The following CHRNA10 variants were observed in gnomAD, a reference collection of about 807,000 sequenced individuals.
CHRNA10 encodes cholinergic receptor nicotinic alpha 10 subunit, also known as neuronal acetylcholine receptor subunit alpha-10.
In CHRNA10, 31 loss-of-function variants were observed where a neutral mutation model predicts 36.0. The ratio of observed to expected loss-of-function variants is 0.86; its 90% CI spans 0.65 to 1.16. The LOEUF is 1.16. Ranked by LOEUF, CHRNA10 falls within the 50% of genes most tolerant of loss-of-function variation. CHRNA10 has a pLI of 0.00. For synonymous variants in CHRNA10, 302 were observed against 287.0 expected, an observed-to-expected ratio of 1.05 and a Z score of -0.53; for missense variants, 648 against 640.9, an observed-to-expected ratio of 1.01 and a Z score of -0.12.
Position 3,667,638 on chromosome 11 carries a change from G to A in CHRNA10, c.489C>T (p.Phe163=), listed in dbSNP as rs1270860675. The change falls in exon 4 of 5, where the codon TTC becomes TTT. Residue 163 remains phenylalanine, a synonymous_variant. Coordinates refer to ENST00000250699, the MANE Select transcript of CHRNA10 (RefSeq NM_020402.4). ...ACGTCAGGCCGCAGTGCTGGGCGTC[G>A]AACGGGAAGGCTGCTACATCCACGC... ...SCRVDVAAFP[F]DAQHCGLTFG... is the part of the protein sequence containing the mutation. The A allele has an allele frequency of 5.8e-6, 9 of 1,558,010 alleles. No individual in the cohort carries two copies. Among genetic ancestry groups the A allele is most frequent in the Admixed American group, 1.8e-5 (1 of 54,154 alleles).
In CHRNA10 at chr11:3,666,314, AG is replaced by A; in HGVS notation, c.1145del (p.Pro382LeufsTer18). 1 of 1,613,358 alleles carries A rather than the reference AG, an allele frequency of 6.2e-7. No individual in the cohort carries two copies. Among genetic ancestry groups the A allele is most frequent in the Non-Finnish European group, 8.5e-7 (1 of 1,179,746 alleles). ...PEGGAGPPAG[P>X]CHEPRCLCRQ... ...GGCACAGACATCGTGGCTCGTGGCA[AG>A]GGCCCGCTGGGGGGCCAGCCCCTCC... On this transcript the variant is annotated frameshift_variant, in exon 5 of 5. Coordinates refer to ENST00000250699, the MANE Select transcript of CHRNA10 (RefSeq NM_020402.4). LOFTEE classifies it high-confidence loss of function.
At chr11:3,669,638 C>T in intron 2 of CHRNA10, 158 bp downstream of exon 2, 1 of 1,010,068 alleles carries the variant, frequency 9.9e-7, no homozygotes, top group Non-Finnish European at 1.5e-6. Flanking sequence ...TACTCAGTAC[C>T]CAACAGTCAG....
At chr11:3,668,296 G>A (rs868211114) in intron 3 of CHRNA10, among the ~76,000 whole-genome samples, 2 of 152,136 alleles carry the variant, frequency 1.3e-5, no homozygotes, top group Non-Finnish European at 2.9e-5. Flanking sequence ...GGCGGATCAC[G>A]AGGTCAGGAG....
At chr11:3,671,089 G>A (rs1423626422) in intron 1 of CHRNA10, 163 bp downstream of exon 1, 7 of 694,140 alleles carry the variant, frequency 1.0e-5, no homozygotes, top group East Asian at 2.7e-5. Flanking sequence ...CTCCTCTCAC[G>A]CACTTCAGCA....
chr11:3,669,335 C>A lies in CHRNA10; in HGVS notation c.223G>T (p.Val75Leu), dbSNP rs1259612810. ...CGTATCCACAGATACAGGGTCAGCA[C>A]CTGGTTCCGTTCATCCTAGTGGGGG... Reference protein sequence around the residue: ...QIIDMDERNQVLTLYLWIRQE... With the variant: ...QIIDMDERNQLLTLYLWIRQE... Residue 75 changes from valine (V) to leucine (L), a missense_variant, in exon 3 of 5, where the codon GTG (valine) becomes TTG (leucine). Coordinates refer to ENST00000250699, the MANE Select transcript of CHRNA10 (RefSeq NM_020402.4). 2.5e-6 allele frequency: 4 copies of A among 1,613,858 alleles called. No homozygotes were observed. The highest frequency in any genetic ancestry group is 2.5e-6 in the Non-Finnish European group (3 of 1,179,854).
Position 3,665,625 on chromosome 11 carries a change from G to A in CHRNA10, c.*482C>T, listed in dbSNP as rs1290185893. On this transcript the variant is annotated 3_prime_UTR_variant, in exon 5 of 5. Coordinates refer to ENST00000250699, the MANE Select transcript of CHRNA10 (RefSeq NM_020402.4). ...CTTACTTTATTGAGTCAGGGATTTG[G>A]GGCCAAATGTCTGTAGGGCCTCCTG... 6.5e-6 allele frequency: 1 copy of A among 153,450 alleles called. No individual in the cohort carries two copies. Among genetic ancestry groups the A allele is most frequent in the Non-Finnish European group, 1.4e-5 (1 of 69,042 alleles). 9.5% of individuals were successfully genotyped at this position (153,450 alleles called of 1,614,324 possible). A position where few individuals can be genotyped will look rare whatever the true frequency, so the allele number is the denominator to read the frequency against.
Position 3,667,712 on chromosome 11 carries a change from C to G in CHRNA10, c.415G>C (p.Asp139His). ...GGCGCGTCCCAGCGCACGGCGCCAT[C>G]GTGGCGCAGGACCACGTTGGTGCTG... ...SASTNVVLRH[D>H]GAVRWDAPAI... Residue 139 changes from aspartate to histidine, a missense_variant, in exon 4 of 5, where the codon GAT (aspartate) becomes CAT (histidine). Asp to His is a moderately conservative substitution (Grantham distance 81). Transcript: ENST00000250699. 6.4e-7 allele frequency: 1 copy of G among 1,574,406 alleles called. No homozygotes were observed. The highest frequency in any genetic ancestry group is 1.4e-5 in the African/African-American group (1 of 73,468).
intron 3 of CHRNA10, chr11:3,668,474 C>G (rs368588051): frequency 1.3e-5 from 2 of 152,238 alleles, no homozygotes; most frequent in South Asian, 4.1e-4. Context: ...GATAGCGCCA[C>G]TGCACTCCAG....
intron 2 of CHRNA10, 38 bp downstream of exon 2, chr11:3,669,758 A>G: frequency 6.2e-7 from 1 of 1,612,066 alleles, no homozygotes; most frequent in East Asian, 2.2e-5. Context: ...ACACTGTGAC[A>G]GGTAAGACTC....
chr11:3,670,871 T>A (rs977312122), intron 1 of CHRNA10, among the ~76,000 whole-genome samples: 7 of 152,210 alleles, frequency 4.6e-5, no homozygotes, highest in African/African-American at 1.4e-4. Flanking sequence ...CTCACCTTCT[T>A]CTACCCCTCC....
intron 4 of CHRNA10, among the ~76,000 whole-genome samples, chr11:3,666,770 C>G (rs188904175): frequency 6.8e-4 from 103 of 152,306 alleles, no homozygotes; most frequent in South Asian, 3.1e-3. Flanking sequence ...CTACTGCTCT[C>G]TAATTGCTCC....
At chr11:3,670,715 T>G (rs186324717) in intron 1 of CHRNA10, among the ~76,000 whole-genome samples, 87 of 152,356 alleles carry the variant, frequency 5.7e-4, no homozygotes, top group Non-Finnish European at 9.4e-4. Flanking sequence ...CTTCTCCCTC[T>G]GCTGCCTCCT....
chr11:3,669,960 G>C lies in CHRNA10; in HGVS notation c.62-19C>G, dbSNP rs2077702020. 4 of 1,613,858 alleles carry C rather than the reference G, an allele frequency of 2.5e-6. No homozygotes were observed. The highest frequency in any genetic ancestry group is 3.4e-6 in the Non-Finnish European group (4 of 1,179,920). On this transcript the variant is annotated intron_variant, in intron 1 of 4. Coordinates refer to ENST00000250699, the MANE Select transcript of CHRNA10 (RefSeq NM_020402.4). ...AGGCACTCTGGAGGGTCAGTAAGGA[G>C]GGTTGTCCATCCCAGGCCCTAGTCC...
rs574429834 is a variant in CHRNA10 at position 3,670,826 on chromosome 11, G to A, written c.61+426C>T. On this transcript the variant is annotated intron_variant, in intron 1 of 4. Transcript: ENST00000250699. ...AGTCTACCCTCTCCCCTCCAGGTCA[G>A]GGCCCTCCCTTCACTGTCTCCCTTT... is the stretch of plus-strand genomic sequence containing the variant. Among the ~76,000 whole-genome samples the A allele has an allele frequency of 4.7e-4, 71 of 152,250 alleles. No individual in the cohort carries two copies. In the South Asian group the frequency reaches 0.011, roughly 23 times the overall value.
At position 3,666,119 on chromosome 11, in the gene CHRNA10, C is replaced by A; in HGVS notation, c.1341G>T (p.Val447=). Residue 447 remains valine, a synonymous_variant, in exon 5 of 5, where the codon GTG becomes GTT. Transcript: ENST00000250699. Reference sequence around the variant, plus strand: ...TTAGTCCCAGCCCTCACAGGGCCTGCACCAGCACCAGGAGGCTCATGACCA... The same window carrying A: ...TTAGTCCCAGCCCTCACAGGGCCTGAACCAGCACCAGGAGGCTCATGACCA... ...MALVMSLLVL[V]QAL 6.4e-7 allele frequency: 1 copy of A among 1,556,904 alleles called. No individual in the cohort carries two copies. Among genetic ancestry groups the A allele is most frequent in the South Asian group, 1.2e-5 (1 of 80,842 alleles).
chr11:3,668,884 G>A (rs61878558), intron 3 of CHRNA10: 4,026 of 251,218 alleles, frequency 0.016, 58 homozygotes, highest in Non-Finnish European at 0.02. Flanking sequence ...CCTTACACAG[G>A]CTCTTCGGGG....
chr11:3,665,926 C>CTT lies in CHRNA10; in HGVS notation c.*179_*180dup. 1.9e-6 allele frequency: 1 copy of CTT among 516,180 alleles called. No individual in the cohort carries two copies. Among genetic ancestry groups the CTT allele is most frequent in the Non-Finnish European group, 3.3e-6 (1 of 301,368 alleles). 32.0% of individuals were successfully genotyped at this position (516,180 alleles called of 1,614,324 possible). A position where few individuals can be genotyped will look rare whatever the true frequency, so the allele number is the denominator to read the frequency against. On this transcript the variant is annotated 3_prime_UTR_variant, in exon 5 of 5. Transcript: ENST00000250699. The stretch of plus-strand genomic sequence containing the variant: ...AGGGGAGTGGCAGGCTCTGGACTTC[C>CTT]TTTAGTTAGGGTGTGTAGACAATGA...
Position 3,667,419 on chromosome 11 carries a change from G to A in CHRNA10, c.708C>T (p.Ala236=), listed in dbSNP as rs546692965. Reference sequence around the variant, plus strand: ...GCAGCAGGTTGCACACGTAGGCGGCGGCGCGGCGGCGCAGCAGCAGCGTGA... The same window carrying A: ...GCAGCAGGTTGCACACGTAGGCGGCAGCGCGGCGGCGCAGCAGCAGCGTGA... ...VTFTLLLRRR[A]AAYVCNLLLP... The change falls in exon 4 of 5, where the codon GCC becomes GCT. Residue 236 remains alanine, a synonymous_variant. Transcript: ENST00000250699. 10 of 1,596,762 alleles carry A rather than the reference G, an allele frequency of 6.3e-6. No homozygotes were observed. The South Asian group carries it at 8.8e-5, about 14-fold the overall frequency.
chr11:3,671,200 G>A, intron 1 of CHRNA10, 52 bp downstream of exon 1: 1 of 1,561,840 alleles, frequency 6.4e-7, no homozygotes, highest in Non-Finnish European at 8.8e-7. Context: ...TGGGAGAACA[G>A]GAATAGTAGC....
Sources: gnomAD v4.1 joint callset for allele counts (sites outside exome capture counted in the v4.1 genomes callset) on GRCh38, gnomAD v4.1.1 for gene constraint, MANE v1.5 for transcripts, NCBI Gene and HGNC (gene_info 2026-07-23, HGNC 2026-07-21) for gene names.